IL13RA2: variants seen among roughly 807,000 people sequenced by gnomAD.
IL13RA2 encodes interleukin-13 receptor subunit alpha-2.
Under a neutral mutation model 34.1 loss-of-function variants are expected in IL13RA2, and 25 were observed. That is an observed-to-expected ratio of 0.73 (90% CI 0.53 to 1.03). The LOEUF (loss-of-function observed/expected upper bound fraction) is 1.03. Among genes scored for constraint, IL13RA2 ranks in the 50% least tolerant of loss-of-function variants. The pLI, the probability that IL13RA2 is intolerant of heterozygous loss-of-function variation, is 0.00. For missense variants in IL13RA2, 297 were observed against 280.9 expected, an observed-to-expected ratio of 1.06 and a Z score of -0.41; for synonymous variants, 106 against 100.4, an observed-to-expected ratio of 1.06 and a Z score of -0.33.
chrX:115,004,585 T>C (rs1345109639), intron 9 of IL13RA2, among the ~76,000 whole-genome samples: 1 of 108,642 alleles, frequency 9.2e-6, no homozygotes, highest in Non-Finnish European at 1.9e-5. Context: ...CCAGCCTGAG[T>C]GACAGAATGA....
Position 115,015,748 on chromosome X carries a change from T to G in IL13RA2, c.168A>C (p.Pro56=). Reference sequence around the variant, plus strand: ...ATTCCTTAAAATGATCCAGAGACAGTGGGGGTTGCCATTGCAAATAGAGAT... The same window carrying G: ...ATTCCTTAAAATGATCCAGAGACAGGGGGGGTTGCCATTGCAAATAGAGAT... ...LGYLYLQWQP[P]LSLDHFKECT... Residue 56 remains proline (P), a synonymous_variant, in exon 3 of 10, where the codon CCA becomes CCC. Transcript: ENST00000243213. The G allele has an allele frequency of 1.7e-6, 2 of 1,190,026 alleles. No homozygotes were observed. The highest frequency in any genetic ancestry group is 2.3e-6 in the Non-Finnish European group (2 of 875,721).
chrX:115,014,680 T>C, intron 3 of IL13RA2, 106 bp from the exon 4 acceptor site: 1 of 452,391 alleles, frequency 2.2e-6, no homozygotes, highest in Non-Finnish European at 3.6e-6. Context: ...GAGTTCCCAA[T>C]ATCTAAGACA....
intron 6 of IL13RA2, among the ~76,000 whole-genome samples, chrX:115,010,057 G>A (rs781867693): frequency 3.6e-5 from 4 of 111,537 alleles, no homozygotes; most frequent in Admixed American, 9.6e-5. Flanking sequence ...AAGTACCAAG[G>A]ATGTTACATA....
In IL13RA2 at chrX:115,013,867, C is replaced by A; in HGVS notation, c.423G>T (p.Gln141His). The change falls in exon 5 of 10, where the codon CAG becomes CAT. Residue 141 changes from glutamine (Q) to histidine (H), a missense_variant. Transcript: ENST00000243213. ...AATTGTAATATACGCAATCCATATC[C>A]TGAACTTTAGTTTCTGGAATTCCTA... ...SPQGIPETKV[Q>H]DMDCVYYNWQ... 9.6e-7 allele frequency: 1 copy of A among 1,042,670 alleles called. No homozygotes were observed. The highest frequency in any genetic ancestry group is 1.3e-6 in the Non-Finnish European group (1 of 743,709). 85.9% of individuals were successfully genotyped at this position (1,042,670 alleles called of 1,213,427 possible). A position where few individuals can be genotyped will look rare whatever the true frequency, so the allele number is the denominator to read the frequency against.
Position 115,010,795 on chromosome X carries a change from A to C in IL13RA2, c.555T>G (p.Val185=), listed in dbSNP as rs782530762. The change falls in exon 6 of 10, where the codon GTT becomes GTG. Residue 185 remains valine, a synonymous_variant. Coordinates refer to ENST00000243213, the MANE Select transcript of IL13RA2 (RefSeq NM_000640.3). ...TTTGTCCATCAGCCTTGATGTAATC[A>C]ACACACTGTAATGCATGATCCAAGC... ...YEGLDHALQC[V]DYIKADGQNI... is the part of the protein sequence containing the mutation. The C allele has an allele frequency of 4.4e-6, 5 of 1,124,034 alleles. No individual in the cohort carries two copies. In the South Asian group the frequency reaches 1.1e-4, roughly 24 times the overall value. 92.6% of individuals were successfully genotyped at this position (1,124,034 alleles called of 1,213,427 possible). A position where few individuals can be genotyped will look rare whatever the true frequency, so the allele number is the denominator to read the frequency against.
At chrX:115,009,736 T>C in intron 6 of IL13RA2, 70 bp from the exon 7 acceptor site, 1 of 939,844 alleles carries the variant, frequency 1.1e-6, no homozygotes, top group Non-Finnish European at 1.5e-6. Flanking sequence ...TATCCAAAGC[T>C]AGGGACATCT....
At chrX:115,004,190 A>G in intron 9 of IL13RA2, 84 bp from the exon 10 acceptor site, 1 of 525,400 alleles carries the variant, frequency 1.9e-6, no homozygotes, top group Non-Finnish European at 3.3e-6. Flanking sequence ...GAATAAGCAC[A>G]AGAGCATTCA....
intron 5 of IL13RA2, among the ~76,000 whole-genome samples, chrX:115,011,374 T>A (rs782348090): frequency 9.8e-5 from 11 of 111,894 alleles, no homozygotes; most frequent in Non-Finnish European, 1.9e-5. Flanking sequence ...AAGGAGTTGT[T>A]TGGCAAGTAA....
chrX:115,006,560 G>A (rs782387711), intron 8 of IL13RA2, among the ~76,000 whole-genome samples: 98 of 110,864 alleles, frequency 8.8e-4, no homozygotes, highest in Middle Eastern at 4.7e-3. Context: ...GTGCATGCCC[G>A]TAATCCCAGC....
intron 2 of IL13RA2, among the ~76,000 whole-genome samples, chrX:115,016,109 G>C (rs1197154479): frequency 9.0e-6 from 1 of 111,122 alleles, no homozygotes; most frequent in South Asian, 3.8e-4. Flanking sequence ...AATTCATAGA[G>C]AGAGAAAGTA....
At chrX:115,011,885 A>G (rs2071707151) in intron 5 of IL13RA2, among the ~76,000 whole-genome samples, 1 of 112,322 alleles carries the variant, frequency 8.9e-6, no homozygotes, top group Admixed American at 9.5e-5. Context: ...GAGGGCAGAG[A>G]CTTTCTCTTA....
In IL13RA2 at chrX:115,009,693, A is replaced by T. The variant is rs782371909; in HGVS notation, c.707-27T>A. 9.3e-5 allele frequency: 110 copies of T among 1,187,349 alleles called. No homozygotes were observed. In the Admixed American group the frequency reaches 2.4e-3, roughly 26 times the overall value. ...TGAAAAGCAAAAGAGAACCATTTCA[A>T]CACGGAGATTGTTGAAGTTTAGCAG... On this transcript the variant is annotated intron_variant, in intron 6 of 9. Transcript: ENST00000243213.
chrX:115,010,552 C>CT (rs2071702182), intron 6 of IL13RA2, 92 bp downstream of exon 6: 2 of 447,539 alleles, frequency 4.5e-6, no homozygotes, highest in African/African-American at 5.0e-5. Context: ...TCTCTCCTTC[C>CT]TCCCCTTTTT....
At chrX:115,008,204 G>C in intron 7 of IL13RA2, 128 bp from the exon 8 acceptor site, 1 of 509,244 alleles carries the variant, frequency 2.0e-6, no homozygotes, top group Non-Finnish European at 3.3e-6. Flanking sequence ...CAAAAGACTG[G>C]ATGCATAATC....
Position 115,009,631 on chromosome X carries a change from G to C in IL13RA2, c.742C>G (p.Arg248Gly). Residue 248 changes from arginine to glycine, a missense_variant, in exon 7 of 10, where the codon CGG (arginine) becomes GGG (glycine). Physicochemically the swap from Arg to Gly is moderately radical, Grantham distance 125. Transcript: ENST00000243213. ...PLPPVYLTFT[R>G]ESSCEIKLKW... ...AGCTTAATTTCACATGAACTCTCCCGAGTAAAAGTAAGATAGACTGGCGGC... is the reference window on the plus strand; with the variant it reads ...AGCTTAATTTCACATGAACTCTCCCCAGTAAAAGTAAGATAGACTGGCGGC... The C allele has an allele frequency of 8.3e-7, 1 of 1,204,494 alleles. No homozygotes were observed. Among genetic ancestry groups the C allele is most frequent in the Non-Finnish European group, 1.1e-6 (1 of 889,332 alleles).
chrX:115,013,049 C>T (rs782277972), intron 5 of IL13RA2, among the ~76,000 whole-genome samples: 59 of 111,150 alleles, frequency 5.3e-4, no homozygotes, highest in African/African-American at 1.8e-3. Context: ...TAGATTTTAT[C>T]CTGGGGCAAT....
chrX:115,017,604 C>T lies in IL13RA2; in HGVS notation c.-85G>A, dbSNP rs2071733628. On this transcript the variant is annotated 5_prime_UTR_variant, in exon 1 of 10. Transcript: ENST00000243213. ...CCAGGTTATGGCGACTTCAAATAGC[C>T]TTCATCCGGAAGACCGTTAGACTCA... 5.4e-6 allele frequency: 1 copy of T among 185,290 alleles called. No homozygotes were observed. The highest frequency in any genetic ancestry group is 3.1e-5 in the African/African-American group (1 of 32,484). 15.3% of individuals were successfully genotyped at this position (185,290 alleles called of 1,213,427 possible). A position where few individuals can be genotyped will look rare whatever the true frequency, so the allele number is the denominator to read the frequency against.
chrX:115,017,089 A>G, intron 2 of IL13RA2, 87 bp downstream of exon 2: 1 of 553,106 alleles, frequency 1.8e-6, no homozygotes, highest in Non-Finnish European at 3.1e-6. Flanking sequence ...TCCATAAGGC[A>G]GGTCAAAAAG....
chrX:115,007,551 A>G (rs1452688506), intron 8 of IL13RA2, among the ~76,000 whole-genome samples: 2 of 111,763 alleles, frequency 1.8e-5, no homozygotes, highest in African/African-American at 6.5e-5. Context: ...TTCCTTTTGA[A>G]TAGTATTAGA....
Sources: gnomAD v4.1 joint callset for allele counts (sites outside exome capture counted in the v4.1 genomes callset) on GRCh38, gnomAD v4.1.1 for gene constraint, MANE v1.5 for transcripts, NCBI Gene and HGNC (gene_info 2026-07-23, HGNC 2026-07-21) for gene names.